The following PTPRD variants were observed in gnomAD, a reference collection of about 807,000 sequenced individuals.
The protein encoded by PTPRD is receptor-type tyrosine-protein phosphatase delta.
A neutral mutation model predicts 214.5 loss-of-function variants in PTPRD; 34 were observed. The ratio of observed to expected loss-of-function variants is 0.16; its 90% confidence interval spans 0.12 to 0.21. PTPRD has a LOEUF of 0.21. PTPRD is among the 10% of genes least tolerant of loss of function. The pLI is 1.00. For synonymous variants in PTPRD, 1,128 were observed against 845.7 expected, an observed-to-expected ratio of 1.33 and a Z score of -5.79; for missense variants, 2,545 against 2,398.7, an observed-to-expected ratio of 1.06 and a Z score of -1.27.
chr9:8,907,535 T>A (rs10977350), intron 11 of PTPRD, among the ~76,000 whole-genome samples: 43,117 of 107,708 alleles, frequency 0.4, 9,065 homozygotes, highest in Non-Finnish European at 0.48. Flanking sequence ...AAAAAAAAAA[T>A]ATATATATAT....
Position 9,296,617 on chromosome 9 carries a change from T to A in PTPRD, c.-203+100832A>T, listed in dbSNP as rs541215898. Among the ~76,000 whole-genome samples the A allele has an allele frequency of 5.9e-5, 9 of 151,816 alleles. No individual in the cohort carries two copies. The South Asian group carries it at 1.9e-3, about 32-fold the overall frequency. ...ATCAGTTTCAGATTGATGTTATAGA[T>A]CTATTTTGCATTCACCTCCTGGGAT... On this transcript the variant is annotated intron_variant, in intron 9 of 45. Transcript: ENST00000381196.
intron 14 of PTPRD, among the ~76,000 whole-genome samples, chr9:8,533,965 T>C (rs2076316528): frequency 6.6e-6 from 1 of 152,062 alleles, no homozygotes; most frequent in African/African-American, 2.4e-5. Context: ...AGTATCAGTC[T>C]ATTAAGAGGC....
At chr9:8,833,715 T>G (rs200101202) in intron 11 of PTPRD, among the ~76,000 whole-genome samples, 1 of 133,718 alleles carries the variant, frequency 7.5e-6, no homozygotes, top group Non-Finnish European at 1.6e-5. Context: ...TATATATATA[T>G]ACACACACAC....
intron 3 of PTPRD, among the ~76,000 whole-genome samples, chr9:10,299,612 T>G (rs1241886737): frequency 2.6e-5 from 4 of 152,142 alleles, no homozygotes; most frequent in Non-Finnish European, 4.4e-5. Context: ...GACCTTACAT[T>G]GGCCAAGGCA....
At chr9:10,410,723 T>A (rs1281415422) in intron 2 of PTPRD, among the ~76,000 whole-genome samples, 1 of 151,804 alleles carries the variant, frequency 6.6e-6, no homozygotes, top group Non-Finnish European at 1.5e-5. Context: ...TAAAACCATT[T>A]TTCCCAATCT....
At chr9:8,464,716 T>TC (rs1565017311) in intron 32 of PTPRD, among the ~76,000 whole-genome samples, 1 of 5,232 alleles carries the variant, frequency 1.9e-4, no homozygotes, top group Admixed American at 2.4e-3. Context: ...ATCTCTCCCC[T>TC]TTTTTTTTTT....
intron 11 of PTPRD, among the ~76,000 whole-genome samples, chr9:8,774,683 C>A (rs1046119588): frequency 6.6e-6 from 1 of 151,702 alleles, no homozygotes; most frequent in African/African-American, 2.4e-5. Context: ...TACAGGCATG[C>A]GCCACCACAC....
At chr9:9,195,535 T>C (rs1399834923) in intron 9 of PTPRD, among the ~76,000 whole-genome samples, 2 of 152,110 alleles carry the variant, frequency 1.3e-5, no homozygotes, top group African/African-American at 4.8e-5. Context: ...TGTGTTGATA[T>C]TAATACAAAG....
chr9:9,923,556 C>T (rs984046343), intron 5 of PTPRD, among the ~76,000 whole-genome samples: 4 of 151,794 alleles, frequency 2.6e-5, no homozygotes, highest in South Asian at 4.1e-4. Flanking sequence ...AATGCTTAAA[C>T]GTTTCCTACA....
chr9:9,841,876 C>A (rs1599439481), intron 5 of PTPRD, among the ~76,000 whole-genome samples: 1 of 152,132 alleles, frequency 6.6e-6, no homozygotes, highest in South Asian at 2.1e-4. Flanking sequence ...TAAGAAATAT[C>A]TGTTGGATTT....
chr9:10,525,171 T>G (rs2053860571), intron 2 of PTPRD, among the ~76,000 whole-genome samples: 2 of 152,062 alleles, frequency 1.3e-5, no homozygotes, highest in Admixed American at 1.3e-4. Context: ...TTCCCAGGAT[T>G]CTAGTTATCA....
chr9:9,429,037 A>C (rs141248929), intron 8 of PTPRD, among the ~76,000 whole-genome samples: 5,347 of 152,264 alleles, frequency 0.035, 222 homozygotes, highest in East Asian at 0.14. Context: ...AGCGGAAGTC[A>C]AGAAATAACT....
At chr9:8,589,282 C>T (rs1454770994) in intron 14 of PTPRD, among the ~76,000 whole-genome samples, 1 of 152,146 alleles carries the variant, frequency 6.6e-6, no homozygotes, top group East Asian at 1.9e-4. Flanking sequence ...CAGATAAGTA[C>T]AAATTTTAAC....
At chr9:10,435,823 C>T (rs1393606789) in intron 2 of PTPRD, among the ~76,000 whole-genome samples, 1 of 151,840 alleles carries the variant, frequency 6.6e-6, no homozygotes, top group Non-Finnish European at 1.5e-5. Flanking sequence ...AAAAATCAGT[C>T]TACTAAAACA....
chr9:9,212,175 G>A (rs1361785923), intron 9 of PTPRD, among the ~76,000 whole-genome samples: 1 of 151,960 alleles, frequency 6.6e-6, no homozygotes, highest in Non-Finnish European at 1.5e-5. Context: ...CTATTCATTG[G>A]TGAATTCCAT....
intron 3 of PTPRD, among the ~76,000 whole-genome samples, chr9:10,156,913 T>G (rs1344821023): frequency 6.6e-6 from 1 of 152,226 alleles, no homozygotes; most frequent in Non-Finnish European, 1.5e-5. Flanking sequence ...TTTTCTTTGT[T>G]GGCTTAAAGT....
chr9:9,896,494 T>G (rs10978070), intron 5 of PTPRD, among the ~76,000 whole-genome samples: 88,931 of 151,902 alleles, frequency 0.59, 29,683 homozygotes, highest in Admixed American at 0.72. Context: ...TTCTGGGAAA[T>G]AGTCTAGTGC....
intron 8 of PTPRD, among the ~76,000 whole-genome samples, chr9:9,405,523 TG>T (rs2141604494): frequency 6.6e-6 from 1 of 152,162 alleles, no homozygotes; most frequent in East Asian, 1.9e-4. Flanking sequence ...CATTCTGCTC[TG>T]GGGCATGCTT....
intron 8 of PTPRD, among the ~76,000 whole-genome samples, chr9:9,420,458 G>A (rs1015980777): frequency 6.6e-6 from 1 of 151,800 alleles, no homozygotes; most frequent in Non-Finnish European, 1.5e-5. Flanking sequence ...TCTTAAAGTA[G>A]TACTTCTATA....
Sources: gnomAD v4.1 joint callset for allele counts (sites outside exome capture counted in the v4.1 genomes callset) on GRCh38, gnomAD v4.1.1 for gene constraint, MANE v1.5 for transcripts, NCBI Gene and HGNC (gene_info 2026-07-23, HGNC 2026-07-21) for gene names.